The following TPTE variants were observed in gnomAD, a reference collection of about 807,000 sequenced individuals.
TPTE encodes putative tyrosine-protein phosphatase TPTE.
A neutral mutation model predicts 84.1 loss-of-function variants in TPTE; 59 were observed. That is an observed-to-expected ratio of 0.70 (90% CI 0.57 to 0.87). TPTE has a LOEUF of 0.87. TPTE is among the 40% of genes least tolerant of loss of function. The pLI, the probability that TPTE is intolerant of heterozygous loss-of-function variation, is 0.00. For synonymous variants in TPTE, 130 were observed against 223.5 expected, an observed-to-expected ratio of 0.58 and a Z score of 3.73; for missense variants, 382 against 659.6, an observed-to-expected ratio of 0.58 and a Z score of 4.61.
chr21:10,536,575 GAGAGAAAGGGAGAGAA>G (rs2074270166), intron 3 of TPTE, among the ~76,000 whole-genome samples: 1 of 152,310 alleles, frequency 6.6e-6, no homozygotes, highest in African/African-American at 2.4e-5. Context: ...CACAGGGAGA[GAGAGAAAGGGAGAGAA>G]AGAGAAAAGA....
intron 3 of TPTE, among the ~76,000 whole-genome samples, chr21:10,528,668 A>C (rs1177333217): frequency 6.6e-6 from 1 of 152,306 alleles, no homozygotes; most frequent in Non-Finnish European, 1.5e-5. Context: ...TCAGAAAGTT[A>C]CTTCTTATCG....
intron 6 of TPTE, 68 bp downstream of exon 6, chr21:10,542,516 A>G (rs1418209791): frequency 1.1e-5 from 17 of 1,575,964 alleles, no homozygotes; most frequent in African/African-American, 4.1e-5. Context: ...ACACAGGCAC[A>G]TGAGCAAGTA....
chr21:10,532,047 TAGTTA>T (rs1161154989), intron 3 of TPTE, among the ~76,000 whole-genome samples: 1 of 152,304 alleles, frequency 6.6e-6, no homozygotes, highest in African/African-American at 2.4e-5. Context: ...TTAGCATGAT[TAGTTA>T]AGTTATTAAT....
intron 7 of TPTE, among the ~76,000 whole-genome samples, chr21:10,545,567 C>T (rs1369860830): frequency 6.6e-6 from 1 of 152,308 alleles, no homozygotes; most frequent in African/African-American, 2.4e-5. Flanking sequence ...ATATAACTCA[C>T]CTTTCAATGG....
chr21:10,554,320 G>A (rs1425847074), intron 8 of TPTE, among the ~76,000 whole-genome samples: 11 of 152,304 alleles, frequency 7.2e-5, no homozygotes, highest in Admixed American at 4.6e-4. Flanking sequence ...TCTGTATATT[G>A]TTGGTTATTT....
intron 3 of TPTE, among the ~76,000 whole-genome samples, chr21:10,530,596 T>C (rs1289444505): frequency 6.6e-6 from 1 of 152,310 alleles, no homozygotes; most frequent in Admixed American, 6.5e-5. Context: ...TTCCTACCAT[T>C]TGCCTTCACA....
At chr21:10,605,282 A>T in intron 23 of TPTE, 135 bp from the exon 24 acceptor site, 2 of 1,241,572 alleles carry the variant, frequency 1.6e-6, no homozygotes, top group Non-Finnish European at 1.1e-6. Flanking sequence ...GCCAACTGAG[A>T]CACAAAAAAA....
intron 7 of TPTE, among the ~76,000 whole-genome samples, chr21:10,545,483 G>T (rs1243844877): frequency 5.9e-5 from 9 of 152,428 alleles, no homozygotes; most frequent in Non-Finnish European, 1.3e-4. Flanking sequence ...GACCTGAAGT[G>T]TACATTTTTA....
At chr21:10,536,859 G>A (rs2074275780) in intron 3 of TPTE, among the ~76,000 whole-genome samples, 1 of 152,310 alleles carries the variant, frequency 6.6e-6, no homozygotes, top group Non-Finnish European at 1.5e-5. Context: ...ACATACTAGA[G>A]TGGACCAAGG....
At chr21:10,551,166 T>C (rs2074565087) in intron 7 of TPTE, among the ~76,000 whole-genome samples, 1 of 152,310 alleles carries the variant, frequency 6.6e-6, no homozygotes. Flanking sequence ...TCATCATTTT[T>C]TCAGCAAACT....
At chr21:10,563,536 GTTTTC>G (rs1339510266) in intron 10 of TPTE, among the ~76,000 whole-genome samples, 1 of 46,444 alleles carries the variant, frequency 2.2e-5, no homozygotes, top group Non-Finnish European at 5.7e-5. Flanking sequence ...GTTTTTATTA[GTTTTC>G]TTTTTACTTG....
At chr21:10,591,091 A>G (rs1421126611) in intron 18 of TPTE, among the ~76,000 whole-genome samples, 2 of 152,300 alleles carry the variant, frequency 1.3e-5, no homozygotes, top group Non-Finnish European at 2.9e-5. Flanking sequence ...TTAGGTAGAT[A>G]AAAAGCAACA....
chr21:10,535,752 G>T (rs2074255528), intron 3 of TPTE, among the ~76,000 whole-genome samples: 1 of 152,312 alleles, frequency 6.6e-6, no homozygotes, highest in Admixed American at 6.5e-5. Flanking sequence ...ACCGTAATGG[G>T]TTCCTCACCT....
intron 3 of TPTE, among the ~76,000 whole-genome samples, chr21:10,534,305 C>T (rs1423104501): frequency 6.4e-4 from 97 of 152,398 alleles, no homozygotes; most frequent in African/African-American, 2.2e-3. Flanking sequence ...GATGGCTCTT[C>T]AGCCCTTCCC....
intron 17 of TPTE, among the ~76,000 whole-genome samples, chr21:10,589,573 G>A (rs2075427329): frequency 6.6e-6 from 1 of 152,312 alleles, no homozygotes; most frequent in African/African-American, 2.4e-5. Flanking sequence ...GAAAATGCCG[G>A]CAGCGTTTCC....
intron 8 of TPTE, among the ~76,000 whole-genome samples, chr21:10,554,352 G>A (rs1369193565): frequency 6.6e-6 from 1 of 152,304 alleles, no homozygotes; most frequent in African/African-American, 2.4e-5. Flanking sequence ...ATTCTCAGAA[G>A]TGGAAATTCT....
chr21:10,582,514 T>C (rs889757372), intron 17 of TPTE, among the ~76,000 whole-genome samples: 2 of 152,312 alleles, frequency 1.3e-5, no homozygotes, highest in Admixed American at 6.5e-5. Flanking sequence ...TGGAACTACA[T>C]TGAATTTATA....
intron 8 of TPTE, among the ~76,000 whole-genome samples, chr21:10,558,433 G>A (rs55893350): frequency 0.06 from 8,921 of 148,588 alleles, no homozygotes; most frequent in Non-Finnish European, 0.09. Context: ...TGACTTTTTA[G>A]TAATAGCCAT....
At chr21:10,579,984 C>A (rs1203921635) in intron 17 of TPTE, among the ~76,000 whole-genome samples, 2 of 152,310 alleles carry the variant, frequency 1.3e-5, no homozygotes, top group Non-Finnish European at 2.9e-5. Context: ...CAACAGCGTA[C>A]AAGGGGGTTC....
Sources: gnomAD v4.1 joint callset for allele counts (sites outside exome capture counted in the v4.1 genomes callset) on GRCh38, gnomAD v4.1.1 for gene constraint, MANE v1.5 for transcripts, NCBI Gene and HGNC (gene_info 2026-07-23, HGNC 2026-07-21) for gene names.